RIT2: variants seen among roughly 807,000 people sequenced by gnomAD.
RIT2 encodes the protein GTP-binding protein Rit2.
Under a neutral mutation model 23.7 loss-of-function variants are expected in RIT2, and 24 were observed. The ratio of observed to expected loss-of-function variants is 1.01; its 90% CI spans 0.73 to 1.43. The LOEUF (loss-of-function observed/expected upper bound fraction) is 1.43, where lower values mean the gene tolerates loss of function less well. Among genes scored for constraint, RIT2 ranks in the 40% most tolerant of loss-of-function variants. RIT2 has a pLI of 0.00. For missense variants in RIT2, 236 were observed against 266.9 expected (o/e 0.88, Z 0.81); for synonymous variants, 107 against 91.1 (o/e 1.17, Z -0.99).
At chr18:42,939,260 T>C (rs963579181) in intron 3 of RIT2, among the ~76,000 whole-genome samples, 1 of 152,096 alleles carries the variant, frequency 6.6e-6, no homozygotes, top group Non-Finnish European at 1.5e-5. Flanking sequence ...TGCCACTTCA[T>C]AGGTCCCTAG....
intron 3 of RIT2, among the ~76,000 whole-genome samples, chr18:42,933,309 T>C (rs1325963285): frequency 6.6e-6 from 1 of 152,204 alleles, no homozygotes; most frequent in Non-Finnish European, 1.5e-5. Context: ...AAATTTATAT[T>C]GTTAAAGGAC....
chr18:42,854,637 C>G (rs956936037), intron 4 of RIT2, among the ~76,000 whole-genome samples: 1 of 152,144 alleles, frequency 6.6e-6, no homozygotes, highest in Non-Finnish European at 1.5e-5. Context: ...TCTATGAGAC[C>G]AGGCATACCG....
intron 3 of RIT2, among the ~76,000 whole-genome samples, chr18:42,948,342 G>T (rs111692872): frequency 0.023 from 3,467 of 152,126 alleles, 64 homozygotes; most frequent in Non-Finnish European, 0.038. Context: ...AACTCCCAGG[G>T]CCTGATCTCT....
chr18:42,838,801 A>G (rs1245354219), intron 4 of RIT2, among the ~76,000 whole-genome samples: 2 of 152,230 alleles, frequency 1.3e-5, no homozygotes, highest in African/African-American at 4.8e-5. Context: ...ATGAGTCCGG[A>G]TTAGGCACTA....
chr18:42,762,093 T>G (rs1159307448), intron 4 of RIT2, among the ~76,000 whole-genome samples: 5 of 152,344 alleles, frequency 3.3e-5, no homozygotes, highest in African/African-American at 1.2e-4. Context: ...TAGGTCTCAC[T>G]GGGAGGAAGT....
At chr18:42,859,244 C>T (rs1907264238) in intron 4 of RIT2, among the ~76,000 whole-genome samples, 1 of 152,102 alleles carries the variant, frequency 6.6e-6, no homozygotes, top group Non-Finnish European at 1.5e-5. Flanking sequence ...TTATTTTTGA[C>T]ATTAGTGGGT....
chr18:42,935,897 C>T (rs1909443393), intron 3 of RIT2, among the ~76,000 whole-genome samples: 1 of 151,898 alleles, frequency 6.6e-6, no homozygotes, highest in African/African-American at 2.4e-5. Context: ...AGGATTTGGC[C>T]TGTGGCCATT....
chr18:42,760,094 C>T (rs534846326), intron 4 of RIT2, among the ~76,000 whole-genome samples: 1 of 152,238 alleles, frequency 6.6e-6, no homozygotes, highest in East Asian at 1.9e-4. Flanking sequence ...TTAAAATTTA[C>T]ATTCTCTAAG....
At chr18:43,104,329 T>C (rs1443989866) in intron 1 of RIT2, among the ~76,000 whole-genome samples, 2 of 152,102 alleles carry the variant, frequency 1.3e-5, no homozygotes, top group Non-Finnish European at 2.9e-5. Context: ...AAATCACAGC[T>C]AGATGGGAGG....
intron 2 of RIT2, among the ~76,000 whole-genome samples, chr18:42,984,769 A>C (rs1910673445): frequency 6.6e-6 from 1 of 152,120 alleles, no homozygotes; most frequent in Non-Finnish European, 1.5e-5. Flanking sequence ...GGGCATAGAA[A>C]GCATCTTGCT....
intron 4 of RIT2, among the ~76,000 whole-genome samples, chr18:42,851,992 C>T (rs2144037204): frequency 6.6e-6 from 1 of 152,302 alleles, no homozygotes; most frequent in East Asian, 1.9e-4. Context: ...AAAGTCCTCC[C>T]TGATTTTTGT....
At chr18:42,744,557 TG>T (rs1567985717) in intron 4 of RIT2, among the ~76,000 whole-genome samples, 1 of 152,178 alleles carries the variant, frequency 6.6e-6, no homozygotes, top group Non-Finnish European at 1.5e-5. Context: ...TTTGCAAACT[TG>T]GTTAATTTTT....
chr18:42,934,415 A>G (rs1374282453), intron 3 of RIT2, among the ~76,000 whole-genome samples: 1 of 152,192 alleles, frequency 6.6e-6, no homozygotes, highest in East Asian at 1.9e-4. Context: ...ATAGGATTTC[A>G]TTATTAGGTT....
intron 4 of RIT2, among the ~76,000 whole-genome samples, chr18:42,910,205 G>T (rs899077440): frequency 1.3e-5 from 2 of 151,988 alleles, no homozygotes; most frequent in Non-Finnish European, 2.9e-5. Context: ...AAGAGAAAGC[G>T]AAAACAGAAA....
intron 3 of RIT2, among the ~76,000 whole-genome samples, chr18:42,932,623 AC>A (rs1351400453): frequency 6.6e-6 from 1 of 152,118 alleles, no homozygotes; most frequent in Non-Finnish European, 1.5e-5. Context: ...TCATACTTGA[AC>A]CTTTTCTAGG....
At chr18:43,069,061 G>A (rs973759019) in intron 1 of RIT2, among the ~76,000 whole-genome samples, 1 of 152,110 alleles carries the variant, frequency 6.6e-6, no homozygotes, top group African/African-American at 2.4e-5. Context: ...GGAATGTCCT[G>A]ATATCCCGAA....
chr18:42,765,561 A>G lies in RIT2; in HGVS notation c.427-21841T>C, dbSNP rs1283479211. Among the ~76,000 whole-genome samples the G allele has an allele frequency of 2.0e-5, 3 of 152,166 alleles. No individual in the cohort carries two copies. The East Asian group carries it at 5.8e-4, about 29-fold the overall frequency. On this transcript the variant is annotated intron_variant, in intron 4 of 4. Coordinates refer to ENST00000326695, the MANE Select transcript of RIT2 (RefSeq NM_002930.4). The stretch of plus-strand genomic sequence containing the variant: ...ACTTTCTGCTAAGGTCAGCCCTCAC[A>G]TACTGAGAGGACAAAAGCAAAACCC...
intron 4 of RIT2, among the ~76,000 whole-genome samples, chr18:42,767,704 T>C (rs574493507): frequency 6.6e-6 from 1 of 152,258 alleles, no homozygotes; most frequent in East Asian, 1.9e-4. Flanking sequence ...CCCACCCAGA[T>C]CTCAACTTGA....
chr18:43,043,202 T>C (rs1348193796), intron 1 of RIT2, among the ~76,000 whole-genome samples: 3 of 152,106 alleles, frequency 2.0e-5, no homozygotes, highest in Non-Finnish European at 2.9e-5. Flanking sequence ...CAAAATTCCT[T>C]GAAGGAACAA....
Sources: gnomAD v4.1 joint callset for allele counts (sites outside exome capture counted in the v4.1 genomes callset) on GRCh38, gnomAD v4.1.1 for gene constraint, MANE v1.5 for transcripts, NCBI Gene and HGNC (gene_info 2026-07-23, HGNC 2026-07-21) for gene names.